Variants in PDGFD observed in about 807,000 individuals in gnomAD.
PDGFD encodes the protein platelet derived growth factor D, also known as platelet-derived growth factor D.
A neutral mutation model predicts 44.7 loss-of-function variants in PDGFD; 30 were observed. That is an observed-to-expected ratio of 0.67 (90% CI 0.50 to 0.91). The LOEUF (loss-of-function observed/expected upper bound fraction) is 0.91, where lower values mean the gene tolerates loss of function less well. Among genes scored for constraint, PDGFD ranks in the 40% least tolerant of loss-of-function variants. The pLI is 0.00. For synonymous variants in PDGFD, 173 were observed against 168.4 expected, an observed-to-expected ratio of 1.03 and a Z score of -0.21; for missense variants, 445 against 457.8, an observed-to-expected ratio of 0.97 and a Z score of 0.25.
intron 1 of PDGFD, among the ~76,000 whole-genome samples, chr11:104,045,480 CA>C (rs200299115): frequency 1.3e-5 from 2 of 150,760 alleles, no homozygotes; most frequent in African/African-American, 2.4e-5. Context: ...GTTTATGCAA[CA>C]AAAAAAAGTG....
chr11:103,928,964 CT>C (rs1173980062), intron 5 of PDGFD, among the ~76,000 whole-genome samples: 1 of 152,200 alleles, frequency 6.6e-6, no homozygotes, highest in East Asian at 1.9e-4. Context: ...GCCAAATCTG[CT>C]GCTTGTGATA....
chr11:104,127,101 A>G (rs1393025709), intron 1 of PDGFD, among the ~76,000 whole-genome samples: 3 of 152,016 alleles, frequency 2.0e-5, no homozygotes, highest in Non-Finnish European at 4.4e-5. Context: ...AGAGCTCTTC[A>G]AAGAGAAAAA....
chr11:103,951,071 G>A (rs1398348785), intron 3 of PDGFD, among the ~76,000 whole-genome samples: 1 of 152,046 alleles, frequency 6.6e-6, no homozygotes, highest in East Asian at 1.9e-4. Flanking sequence ...TTTAATAAGA[G>A]CAAATGATAA....
chr11:103,954,462 T>C (rs1481345587), intron 3 of PDGFD, among the ~76,000 whole-genome samples: 1 of 152,268 alleles, frequency 6.6e-6, no homozygotes, highest in Non-Finnish European at 1.5e-5. Flanking sequence ...CTGTTCATTT[T>C]TATCCTAGGT....
chr11:104,050,830 C>T (rs1177286058), intron 1 of PDGFD, among the ~76,000 whole-genome samples: 1 of 152,150 alleles, frequency 6.6e-6, no homozygotes. Flanking sequence ...TCCAAGAGTC[C>T]TCTCAACTCC....
intron 5 of PDGFD, among the ~76,000 whole-genome samples, chr11:103,936,770 G>A (rs572785495): frequency 1.3e-5 from 2 of 151,842 alleles, no homozygotes; most frequent in East Asian, 3.9e-4. Flanking sequence ...AACTAATTTA[G>A]TATCAAGATG....
chr11:104,114,410 A>G (rs1861602556), intron 1 of PDGFD, among the ~76,000 whole-genome samples: 1 of 151,942 alleles, frequency 6.6e-6, no homozygotes. Context: ...CTATAATTAT[A>G]TGGGTCTATT....
intron 1 of PDGFD, among the ~76,000 whole-genome samples, chr11:104,082,133 C>CATATAT (rs981551524): frequency 0.015 from 1,775 of 117,516 alleles, 180 homozygotes; most frequent in African/African-American, 0.061. Flanking sequence ...CATATACATA[C>CATATAT]ATACATATAT....
intron 6 of PDGFD, among the ~76,000 whole-genome samples, chr11:103,915,732 T>C (rs1407065230): frequency 6.6e-6 from 1 of 152,192 alleles, no homozygotes; most frequent in Non-Finnish European, 1.5e-5. Flanking sequence ...ATGGTACTGG[T>C]ACCAAAACAG....
chr11:104,032,178 A>G (rs756290973), intron 1 of PDGFD, among the ~76,000 whole-genome samples: 5 of 152,122 alleles, frequency 3.3e-5, no homozygotes, highest in Non-Finnish European at 7.3e-5. Flanking sequence ...AAACACAGAT[A>G]TATACAACAA....
At chr11:104,104,913 C>T (rs919364590) in intron 1 of PDGFD, among the ~76,000 whole-genome samples, 3 of 152,136 alleles carry the variant, frequency 2.0e-5, no homozygotes, top group African/African-American at 7.2e-5. Context: ...TTACATATAT[C>T]TATGGGAACG....
chr11:103,923,289 G>C (rs1858253141), intron 6 of PDGFD, among the ~76,000 whole-genome samples: 1 of 152,110 alleles, frequency 6.6e-6, no homozygotes, highest in African/African-American at 2.4e-5. Context: ...TTGAGAGCAA[G>C]AAATAATAAA....
chr11:104,024,636 C>T (rs891337207), intron 1 of PDGFD, among the ~76,000 whole-genome samples: 2 of 152,162 alleles, frequency 1.3e-5, no homozygotes, highest in East Asian at 1.9e-4. Context: ...AAGGGCTATA[C>T]CATACAGCGT....
intron 1 of PDGFD, among the ~76,000 whole-genome samples, chr11:104,136,133 AAGG>A (rs1353940143): frequency 2.6e-5 from 4 of 152,164 alleles, no homozygotes; most frequent in African/African-American, 9.7e-5. Flanking sequence ...AAATCTGAAA[AAGG>A]AGGCCATTGG....
At chr11:103,968,893 C>G (rs922786603) in intron 3 of PDGFD, among the ~76,000 whole-genome samples, 22 of 152,152 alleles carry the variant, frequency 1.4e-4, no homozygotes, top group African/African-American at 5.1e-4. Context: ...TCATGTTTCT[C>G]CAGGCTTTCA....
intron 1 of PDGFD, among the ~76,000 whole-genome samples, chr11:104,021,731 G>T (rs141231058): frequency 6.6e-6 from 1 of 152,278 alleles, no homozygotes; most frequent in East Asian, 1.9e-4. Flanking sequence ...TCTGTTTTAA[G>T]CCACTGAGTT....
At chr11:103,954,254 G>A (rs772365274) in intron 3 of PDGFD, among the ~76,000 whole-genome samples, 6 of 152,204 alleles carry the variant, frequency 3.9e-5, no homozygotes, top group Non-Finnish European at 5.9e-5. Context: ...ATTCAGCAGA[G>A]CAAGCCTGCA....
intron 1 of PDGFD, among the ~76,000 whole-genome samples, chr11:104,013,349 C>T (rs1047469380): frequency 1.3e-5 from 2 of 152,118 alleles, no homozygotes; most frequent in South Asian, 4.1e-4. Context: ...AGGCTGTCAT[C>T]CTGACTCTCC....
rs965508472 is a variant in PDGFD, at chr11:104,086,142, G to A, written c.124+77662C>T. Among the ~76,000 whole-genome samples the A allele has an allele frequency of 5.9e-5, 9 of 152,150 alleles. 1 individual carries two copies. The highest frequency in any genetic ancestry group is 1.3e-4 in the Admixed American group (2 of 15,260). On this transcript the variant is annotated intron_variant, in intron 1 of 6. Transcript: ENST00000393158. ...TCTCCCCTGGCAAGAGACTGTGGTG[G>A]TTTGGACTAGAGGAGTAGCAGCAAA...
Sources: allele counts gnomAD v4.1 joint callset (sites outside exome capture counted in the v4.1 genomes callset), GRCh38; gene constraint gnomAD v4.1.1; transcripts MANE v1.5; gene names NCBI Gene and HGNC (gene_info 2026-07-23, HGNC 2026-07-21).